Variants in PRDM16 observed in about 807,000 individuals in gnomAD.
PRDM16 encodes PR/SET domain 16, also known as histone-lysine N-methyltransferase PRDM16.
PRDM16 carries 23 observed loss-of-function variants against 110.6 expected under a neutral mutation model. The ratio of observed to expected loss-of-function variants is 0.21; its 90% CI spans 0.15 to 0.29. The LOEUF (loss-of-function observed/expected upper bound fraction) is 0.29, where lower values mean the gene tolerates loss of function less well. PRDM16 is among the 10% of genes least tolerant of loss of function. PRDM16 has a pLI of 1.00. For missense variants in PRDM16, 1,615 were observed against 1,794.3 expected (o/e 0.90, Z 1.81); for synonymous variants, 799 against 781.8 (o/e 1.02, Z -0.37).
At chr1:3,356,650 C>T (rs1642608902) in intron 3 of PRDM16, among the ~76,000 whole-genome samples, 1 of 152,180 alleles carries the variant, frequency 6.6e-6, no homozygotes, top group Non-Finnish European at 1.5e-5. Flanking sequence ...TCTTAGCCTG[C>T]CCCAGAGCGG....
chr1:3,195,066 C>T (rs758982747), intron 2 of PRDM16, among the ~76,000 whole-genome samples: 2 of 152,190 alleles, frequency 1.3e-5, no homozygotes, highest in Admixed American at 6.5e-5. Flanking sequence ...GGAGTGTTCC[C>T]GTGGAGCCAG....
At chr1:3,426,337 A>T (rs775173582) in intron 14 of PRDM16, 112 bp downstream of exon 14, 1 of 838,086 alleles carries the variant, frequency 1.2e-6, no homozygotes, top group Non-Finnish European at 1.8e-6. Context: ...ACACATCCAG[A>T]TAGGCGCAGT....
At chr1:3,263,036 G>C (rs1569949731) in intron 3 of PRDM16, among the ~76,000 whole-genome samples, 1 of 152,158 alleles carries the variant, frequency 6.6e-6, no homozygotes, top group Admixed American at 6.5e-5. Context: ...CATCGCAGGG[G>C]CACCAGCTCC....
At chr1:3,111,267 G>A (rs752274340) in intron 1 of PRDM16, among the ~76,000 whole-genome samples, 7 of 152,062 alleles carry the variant, frequency 4.6e-5, no homozygotes, top group Non-Finnish European at 7.4e-5. Context: ...GCTTGTCCTC[G>A]GCCACGGCCT....
chr1:3,144,939 C>T (rs773978502), intron 1 of PRDM16, among the ~76,000 whole-genome samples: 9 of 152,180 alleles, frequency 5.9e-5, no homozygotes, highest in African/African-American at 2.2e-4. Flanking sequence ...TCCCAGTGAA[C>T]CCCCAGGGCC....
At chr1:3,121,978 G>A (rs916791710) in intron 1 of PRDM16, among the ~76,000 whole-genome samples, 6 of 152,378 alleles carry the variant, frequency 3.9e-5, no homozygotes, top group South Asian at 2.1e-4. Context: ...GGACCAGAGT[G>A]GCAGGCGCGG....
At chr1:3,071,125 C>G (rs935101640) in intron 1 of PRDM16, among the ~76,000 whole-genome samples, 1 of 152,270 alleles carries the variant, frequency 6.6e-6, no homozygotes, top group Non-Finnish European at 1.5e-5. Flanking sequence ...AGGCCCTCGC[C>G]CAGGATGGGC....
chr1:3,069,238 A>T lies in PRDM16; in HGVS notation c.-22A>T. 6.3e-7 allele frequency: 1 copy of T among 1,575,750 alleles called. No individual in the cohort carries two copies. Among genetic ancestry groups the T allele is most frequent in the Non-Finnish European group, 8.6e-7 (1 of 1,161,774 alleles). The stretch of plus-strand genomic sequence containing the variant: ...TGCTTCTGGACTCAAGGAGGAGGAG[A>T]GAGATTCCGCGAGCCGACACCATGC... On this transcript the variant is annotated 5_prime_UTR_variant, in exon 1 of 17. Coordinates refer to ENST00000270722, the MANE Select transcript of PRDM16 (RefSeq NM_022114.4). The surrounding 1 kb of genome is among the most constrained non-coding windows in gnomAD (Gnocchi z 6.1).
chr1:3,396,615 G>C (rs372886561), intron 5 of PRDM16, 22 bp downstream of exon 5: 4 of 1,267,348 alleles, frequency 3.2e-6, no homozygotes, highest in Non-Finnish European at 2.2e-6. Flanking sequence ...CCCCCAAACC[G>C]GGCCACGGCC....
intron 1 of PRDM16, among the ~76,000 whole-genome samples, chr1:3,158,414 TA>T (rs1485062791): frequency 6.6e-6 from 1 of 152,252 alleles, no homozygotes; most frequent in East Asian, 1.9e-4. Context: ...TAATTAAATT[TA>T]AAATAATTTT....
At chr1:3,385,308 G>A in intron 4 of PRDM16, 22 bp downstream of exon 4, 2 of 1,612,512 alleles carry the variant, frequency 1.2e-6, no homozygotes, top group Non-Finnish European at 1.7e-6. Context: ...CTCATAACAG[G>A]GGCTTCTGCC....
intron 1 of PRDM16, among the ~76,000 whole-genome samples, chr1:3,079,745 A>G (rs1377949837): frequency 6.6e-6 from 1 of 152,092 alleles, no homozygotes; most frequent in East Asian, 1.9e-4. Flanking sequence ...TGGCATGTTG[A>G]GATTGTCTCC....
intron 1 of PRDM16, among the ~76,000 whole-genome samples, chr1:3,136,839 T>C (rs888209821): frequency 2.6e-5 from 4 of 152,118 alleles, no homozygotes; most frequent in African/African-American, 4.8e-5. Context: ...ACTGGGTCAG[T>C]TGGGGGTCCG....
At chr1:3,226,247 A>G (rs1639286802) in intron 2 of PRDM16, among the ~76,000 whole-genome samples, 3 of 152,202 alleles carry the variant, frequency 2.0e-5, no homozygotes, top group Non-Finnish European at 4.4e-5. Context: ...TTACAACCTA[A>G]TAAAATTTGG....
intron 3 of PRDM16, among the ~76,000 whole-genome samples, chr1:3,333,123 G>A (rs1642077371): frequency 6.6e-6 from 1 of 152,152 alleles, no homozygotes; most frequent in Non-Finnish European, 1.5e-5. Context: ...CAGGTCACAC[G>A]GCCTTACTCC....
At chr1:3,387,862 T>C (rs909459170) in intron 4 of PRDM16, among the ~76,000 whole-genome samples, 2 of 152,262 alleles carry the variant, frequency 1.3e-5, no homozygotes, top group African/African-American at 4.8e-5. Context: ...CAGAAACCCA[T>C]AGACTCTCAT....
intron 2 of PRDM16, among the ~76,000 whole-genome samples, chr1:3,196,583 G>T (rs1004346556): frequency 5.3e-5 from 8 of 152,206 alleles, no homozygotes; most frequent in Non-Finnish European, 8.8e-5. Context: ...TGGCACCAGA[G>T]AGGGGTTCAG....
At chr1:3,357,187 C>T (rs1459374748) in intron 3 of PRDM16, among the ~76,000 whole-genome samples, 1 of 152,186 alleles carries the variant, frequency 6.6e-6, no homozygotes, top group Non-Finnish European at 1.5e-5. Context: ...AGCCAGTCCA[C>T]CTGCGGGCGG....
intron 3 of PRDM16, among the ~76,000 whole-genome samples, chr1:3,325,144 A>G (rs1641859125): frequency 6.6e-6 from 1 of 151,530 alleles, no homozygotes; most frequent in Non-Finnish European, 1.5e-5. Flanking sequence ...TGACCCCCAA[A>G]CCCCCAGGTC....
Sources: gnomAD v4.1 joint callset for allele counts (sites outside exome capture counted in the v4.1 genomes callset) on GRCh38, gnomAD v4.1.1 for gene constraint, Gnocchi (gnomAD v3.1) non-coding constraint, MANE v1.5 for transcripts, NCBI Gene and HGNC (gene_info 2026-07-23, HGNC 2026-07-21) for gene names.